Variants in MTMR7 observed in about 807,000 individuals in gnomAD.
MTMR7 encodes myotubularin related protein 7.
A neutral mutation model predicts 81.2 loss-of-function variants in MTMR7; 76 were observed. That is an observed-to-expected ratio of 0.94 (90% confidence interval 0.78 to 1.13). MTMR7 has a LOEUF of 1.13. Among genes scored for constraint, MTMR7 ranks in the 50% most tolerant of loss-of-function variants. The pLI, the probability that MTMR7 is intolerant of heterozygous loss-of-function variation, is 0.00. For synonymous variants in MTMR7, 372 were observed against 289.8 expected (o/e 1.28, Z -2.88); for missense variants, 1,044 against 820.0 (o/e 1.27, Z -3.34).
intron 1 of MTMR7, among the ~76,000 whole-genome samples, chr8:17,411,311 C>T (rs551389919): frequency 1.5e-4 from 23 of 152,144 alleles, no homozygotes; most frequent in Non-Finnish European, 3.1e-4. Context: ...GACGGCTCTT[C>T]TAAGAAGGCT....
At chr8:17,342,808 C>A (rs1819442494) in intron 5 of MTMR7, among the ~76,000 whole-genome samples, 1 of 152,082 alleles carries the variant, frequency 6.6e-6, no homozygotes, top group South Asian at 2.1e-4. Flanking sequence ...AGCAAAGGGG[C>A]AGCAGCAGAG....
intron 1 of MTMR7, among the ~76,000 whole-genome samples, chr8:17,394,071 T>C (rs1215383784): frequency 6.6e-6 from 1 of 152,194 alleles, no homozygotes; most frequent in Non-Finnish European, 1.5e-5. Context: ...GATATGGAGA[T>C]ACTGGAACCC....
At chr8:17,307,436 TG>T (rs1302214155) in intron 10 of MTMR7, among the ~76,000 whole-genome samples, 1 of 152,158 alleles carries the variant, frequency 6.6e-6, no homozygotes, top group African/African-American at 2.4e-5. Context: ...ACACTGTTGG[TG>T]GGACTGTAAA....
chr8:17,351,444 G>C (rs1463229042), intron 4 of MTMR7, among the ~76,000 whole-genome samples: 1 of 152,174 alleles, frequency 6.6e-6, no homozygotes, highest in Non-Finnish European at 1.5e-5. Flanking sequence ...ACTCTCCTTG[G>C]CCCCAACTCA....
At chr8:17,366,022 TA>T (rs1306542632) in intron 3 of MTMR7, among the ~76,000 whole-genome samples, 7 of 152,298 alleles carry the variant, frequency 4.6e-5, no homozygotes, top group African/African-American at 1.7e-4. Context: ...CCTAGGGCAC[TA>T]CAGTGCAGCT....
intron 6 of MTMR7, among the ~76,000 whole-genome samples, chr8:17,336,032 G>A (rs562622074): frequency 4.6e-5 from 7 of 152,244 alleles, no homozygotes; most frequent in East Asian, 1.9e-4. Flanking sequence ...TGGAAAGCTC[G>A]GCAGGGTTCC....
intron 1 of MTMR7, 127 bp downstream of exon 1, chr8:17,413,142 T>C: frequency 2.7e-6 from 3 of 1,095,508 alleles, no homozygotes; most frequent in Non-Finnish European, 4.1e-6. Flanking sequence ...TGCCTGCTCC[T>C]CCCTCGCCCG....
chr8:17,341,340 T>C, intron 6 of MTMR7, 23 bp downstream of exon 6: 1 of 1,613,202 alleles, frequency 6.2e-7, no homozygotes. Context: ...TGCAAAGACA[T>C]GCATCGCAAC....
intron 6 of MTMR7, among the ~76,000 whole-genome samples, chr8:17,334,025 A>G (rs935831677): frequency 6.6e-6 from 1 of 152,232 alleles, no homozygotes; most frequent in Non-Finnish European, 1.5e-5. Context: ...CCATGTACAC[A>G]TTATGAAATA....
intron 3 of MTMR7, among the ~76,000 whole-genome samples, chr8:17,368,316 C>G (rs1820299928): frequency 6.6e-6 from 1 of 152,172 alleles, no homozygotes; most frequent in Admixed American, 6.5e-5. Context: ...TACCTGTCTG[C>G]GGCCCAGGGG....
intron 10 of MTMR7, among the ~76,000 whole-genome samples, chr8:17,308,083 T>A (rs921213571): frequency 2.0e-5 from 3 of 152,000 alleles, no homozygotes; most frequent in Non-Finnish European, 4.4e-5. Context: ...AAAAAAATAA[T>A]TGCATTATGG....
At chr8:17,401,415 G>A (rs1181018991) in intron 1 of MTMR7, among the ~76,000 whole-genome samples, 1 of 152,004 alleles carries the variant, frequency 6.6e-6, no homozygotes, top group Non-Finnish European at 1.5e-5. Flanking sequence ...ACAGGGAGTG[G>A]GGTAGTTGTG....
At chr8:17,350,324 G>T (rs964644074) in intron 4 of MTMR7, among the ~76,000 whole-genome samples, 5 of 152,204 alleles carry the variant, frequency 3.3e-5, no homozygotes, top group African/African-American at 1.2e-4. Context: ...AGGTTTAATG[G>T]ACTCACAGTT....
intron 6 of MTMR7, among the ~76,000 whole-genome samples, chr8:17,336,825 G>A (rs912902733): frequency 1.3e-5 from 2 of 152,156 alleles, no homozygotes; most frequent in African/African-American, 4.8e-5. Context: ...GCTCAGAGGT[G>A]GTAACCCCAC....
intron 10 of MTMR7, among the ~76,000 whole-genome samples, chr8:17,307,122 A>C (rs985909550): frequency 1.2e-4 from 19 of 152,116 alleles, no homozygotes; most frequent in African/African-American, 4.6e-4. Context: ...ATGGGAGAAA[A>C]TTTTTGCAAC....
chr8:17,306,109 T>A (rs1423348991), intron 10 of MTMR7, 152 bp from the exon 11 acceptor site: 5 of 663,652 alleles, frequency 7.5e-6, no homozygotes, highest in Non-Finnish European at 7.3e-6. Flanking sequence ...AAAGTTAAGA[T>A]TTTAAATTCA....
chr8:17,327,969 A>C (rs1368920615), intron 7 of MTMR7, among the ~76,000 whole-genome samples: 1 of 152,244 alleles, frequency 6.6e-6, no homozygotes, highest in Non-Finnish European at 1.5e-5. Context: ...TTTAAATGAA[A>C]ATACTTATGA....
intron 1 of MTMR7, among the ~76,000 whole-genome samples, chr8:17,396,340 G>C (rs754529935): frequency 6.6e-6 from 1 of 152,194 alleles, no homozygotes; most frequent in Non-Finnish European, 1.5e-5. Context: ...AACAAAGACA[G>C]TCTTGAATTG....
chr8:17,412,427 T>G (rs1428565538), intron 1 of MTMR7, among the ~76,000 whole-genome samples: 2 of 152,174 alleles, frequency 1.3e-5, no homozygotes, highest in Non-Finnish European at 2.9e-5. Context: ...CAATAGGGTT[T>G]TTAAGCATAT....
Sources: allele counts gnomAD v4.1 joint callset (sites outside exome capture counted in the v4.1 genomes callset), GRCh38; gene constraint gnomAD v4.1.1; transcripts MANE v1.5; gene names NCBI Gene and HGNC (gene_info 2026-07-23, HGNC 2026-07-21).